Variants in DPF3 observed in about 807,000 individuals in gnomAD.
DPF3 encodes the protein zinc finger protein DPF3.
DPF3 carries 18 observed loss-of-function variants against 56.8 expected under a neutral mutation model. The ratio of observed to expected loss-of-function variants is 0.32; its 90% confidence interval spans 0.22 to 0.47. DPF3 has a LOEUF of 0.47. DPF3 is among the 20% of genes least tolerant of loss of function. The pLI, the probability that DPF3 is intolerant of heterozygous loss-of-function variation, is 1.00. For synonymous variants in DPF3, 188 were observed against 180.2 expected, an observed-to-expected ratio of 1.04 and a Z score of -0.35; for missense variants, 403 against 488.8, an observed-to-expected ratio of 0.82 and a Z score of 1.65.
chr14:72,857,953 T>C (rs1040623032), intron 1 of DPF3, among the ~76,000 whole-genome samples: 1 of 151,998 alleles, frequency 6.6e-6, no homozygotes, highest in Non-Finnish European at 1.5e-5. Context: ...AGGGAAACTG[T>C]GTGGGTGAGA....
chr14:72,887,150 C>T (rs1886577663), intron 1 of DPF3, among the ~76,000 whole-genome samples: 1 of 116,658 alleles, frequency 8.6e-6, no homozygotes, highest in Admixed American at 9.8e-5. Context: ...CTTCTGCCTC[C>T]AAACACACAC....
At chr14:72,782,413 C>T (rs1307939939) in intron 1 of DPF3, among the ~76,000 whole-genome samples, 1 of 152,092 alleles carries the variant, frequency 6.6e-6, no homozygotes, top group Non-Finnish European at 1.5e-5. Context: ...TTTATAGAGG[C>T]AGGGTTTTGC....
chr14:72,852,651 G>GC (rs1296649867), intron 1 of DPF3, among the ~76,000 whole-genome samples: 1 of 152,170 alleles, frequency 6.6e-6, no homozygotes, highest in African/African-American at 2.4e-5. Flanking sequence ...TTAATATTGT[G>GC]CTCTGAGATT....
intron 8 of DPF3, among the ~76,000 whole-genome samples, chr14:72,656,172 T>A (rs1479196255): frequency 1.3e-5 from 2 of 152,222 alleles, no homozygotes; most frequent in Admixed American, 1.3e-4. Flanking sequence ...TTATTGTTCA[T>A]CCTGTTAAAC....
At chr14:72,712,603 T>C (rs1888702831) in intron 6 of DPF3, among the ~76,000 whole-genome samples, 1 of 152,238 alleles carries the variant, frequency 6.6e-6, no homozygotes, top group Admixed American at 6.5e-5. Flanking sequence ...CTGGGTGCAG[T>C]GGCTCACACC....
rs148073828 is a variant in DPF3, at chr14:72,742,973, G to T, written c.301+10291C>A. Among the ~76,000 whole-genome samples, 559 of 152,256 alleles carry T rather than the reference G, an allele frequency of 3.7e-3. 3 individuals carry two copies. The highest frequency in any genetic ancestry group is 0.013 in the African/African-American group (534 of 41,548). ...GTCCCTACGACTTGCTTGTTGGCCA[G>T]CCTGTGGCCCTCTCTGCTTTGGGAC... On this transcript the variant is annotated intron_variant, in intron 3 of 10. Transcript: ENST00000556509.
intron 8 of DPF3, among the ~76,000 whole-genome samples, chr14:72,641,313 G>A (rs891707763): frequency 5.3e-5 from 8 of 152,294 alleles, no homozygotes; most frequent in South Asian, 2.1e-4. Flanking sequence ...TGGAAGCACC[G>A]TGCACAATGA....
At position 72,714,561 on chromosome 14, in the gene DPF3, C is replaced by A. The variant is rs890718009; in HGVS notation, c.526-60G>T. On this transcript the variant is annotated intron_variant, in intron 5 of 10. Coordinates refer to ENST00000556509, the MANE Select transcript of DPF3 (RefSeq NM_001280542.3). ...CATGGTCATCACTACAGCTCCGGAG[C>A]ATGCGCTCTGCGAGCTCCTTACACC... The A allele has an allele frequency of 7.6e-6, 12 of 1,587,820 alleles. No homozygotes were observed. The African/African-American group carries it at 1.6e-4, about 21-fold the overall frequency.
chr14:72,833,568 G>T (rs1373237422), intron 1 of DPF3, among the ~76,000 whole-genome samples: 1 of 149,412 alleles, frequency 6.7e-6, no homozygotes, highest in Non-Finnish European at 1.5e-5. Flanking sequence ...AACTCTGGGG[G>T]AAAAAAAAAA....
At chr14:72,675,740 A>G (rs1433070567) in intron 7 of DPF3, 1 of 152,160 alleles carries the variant, frequency 6.6e-6, no homozygotes, top group Non-Finnish European at 1.5e-5. Context: ...GGATTGTTTA[A>G]TTGGTTTCTA....
At chr14:72,766,337 G>A (rs1462581170) in intron 2 of DPF3, among the ~76,000 whole-genome samples, 1 of 152,160 alleles carries the variant, frequency 6.6e-6, no homozygotes, top group Non-Finnish European at 1.5e-5. Context: ...AAAGATGAAG[G>A]GAACCAGTCA....
chr14:72,709,583 C>T (rs924202562), intron 6 of DPF3, among the ~76,000 whole-genome samples: 1 of 152,120 alleles, frequency 6.6e-6, no homozygotes, highest in Admixed American at 6.5e-5. Context: ...GCTTTTTCCG[C>T]AGCCTTCAAG....
At chr14:72,794,848 G>C (rs1263447718) in intron 1 of DPF3, among the ~76,000 whole-genome samples, 1 of 152,144 alleles carries the variant, frequency 6.6e-6, no homozygotes, top group Non-Finnish European at 1.5e-5. Flanking sequence ...GAAGCTCTAA[G>C]GGAGCAGTTT....
chr14:72,708,836 G>C (rs1417401128), intron 6 of DPF3, among the ~76,000 whole-genome samples: 1 of 152,142 alleles, frequency 6.6e-6, no homozygotes, highest in African/African-American at 2.4e-5. Context: ...CAGACATCTT[G>C]CCTCCCTAGT....
intron 3 of DPF3, among the ~76,000 whole-genome samples, chr14:72,736,499 C>G (rs1399915368): frequency 6.6e-6 from 1 of 152,162 alleles, no homozygotes; most frequent in African/African-American, 2.4e-5. Flanking sequence ...GAGCAGAGTT[C>G]TAGCGGATCA....
intron 8 of DPF3, chr14:72,660,935 G>T: frequency 6.6e-6 from 3 of 455,434 alleles, no homozygotes; most frequent in Non-Finnish European, 8.7e-6. Flanking sequence ...AACAAATCTT[G>T]GCATGGAAGT....
Position 72,612,043 on chromosome 14 carries a change from G to A in DPF3, c.*7254C>T, listed in dbSNP as rs534258006. 7.9e-5 allele frequency among the ~76,000 whole-genome samples: 12 copies of A among 152,228 alleles called. No homozygotes were observed. The highest frequency in any genetic ancestry group is 2.6e-4 in the African/African-American group (11 of 41,530). On this transcript the variant is annotated 3_prime_UTR_variant, in exon 11 of 11. Coordinates refer to ENST00000556509, the MANE Select transcript of DPF3 (RefSeq NM_001280542.3). ...CTAGAGCATTGCCTCGCACACAGTC[G>A]ATGCCCTGCCAAGGGTTTTAATTTA... is the stretch of plus-strand genomic sequence containing the variant.
At chr14:72,879,827 G>A (rs1886259488) in intron 1 of DPF3, 2 of 1,535,576 alleles carry the variant, frequency 1.3e-6, no homozygotes, top group South Asian at 1.2e-5. Flanking sequence ...GGCCTCCAGG[G>A]CATCCAGAGA....
At chr14:72,681,165 G>C (rs551273929) in intron 7 of DPF3, among the ~76,000 whole-genome samples, 5 of 152,128 alleles carry the variant, frequency 3.3e-5, no homozygotes, top group Admixed American at 1.3e-4. Flanking sequence ...TCATCACAGA[G>C]GCTTTTTGAG....
Sources: gnomAD v4.1 joint callset for allele counts (sites outside exome capture counted in the v4.1 genomes callset) on GRCh38, gnomAD v4.1.1 for gene constraint, MANE v1.5 for transcripts, NCBI Gene and HGNC (gene_info 2026-07-23, HGNC 2026-07-21) for gene names.